EYS: variants seen among roughly 807,000 people sequenced by gnomAD.
EYS encodes the protein EGF-like photoreceptor maintenance factor.
In EYS, 250 loss-of-function variants were observed where a neutral mutation model predicts 282.1. The observed-to-expected ratio is 0.89, with a 90% CI of 0.80 to 0.98. EYS has a LOEUF of 0.98. EYS is among the 50% of genes least tolerant of loss of function. The pLI, the probability that EYS is intolerant of heterozygous loss-of-function variation, is 0.00. For synonymous variants in EYS, 1,355 were observed against 1,282.9 expected, an observed-to-expected ratio of 1.06 and a Z score of -1.20; for missense variants, 4,016 against 3,709.0, an observed-to-expected ratio of 1.08 and a Z score of -2.15.
chr6:65,214,485 G>T (rs780320841), intron 12 of EYS, among the ~76,000 whole-genome samples: 1 of 152,174 alleles, frequency 6.6e-6, no homozygotes, highest in Non-Finnish European at 1.5e-5. Context: ...AGAAAAGTTC[G>T]AAGGTAGCAG....
chr6:65,645,798 GA>G (rs1381468115), intron 1 of EYS, among the ~76,000 whole-genome samples: 26 of 152,054 alleles, frequency 1.7e-4, no homozygotes, highest in Admixed American at 2.0e-4. Context: ...ACCAAGAAAA[GA>G]AGAGAGAAGT....
chr6:65,008,685 G>A (rs918274215), intron 13 of EYS, among the ~76,000 whole-genome samples: 9 of 152,154 alleles, frequency 5.9e-5, no homozygotes, highest in East Asian at 1.9e-4. Context: ...CCCAAGGGAC[G>A]AAGGTCCTCT....
At chr6:64,786,702 T>C (rs1232769298) in intron 22 of EYS, among the ~76,000 whole-genome samples, 2 of 152,204 alleles carry the variant, frequency 1.3e-5, no homozygotes, top group Non-Finnish European at 2.9e-5. Flanking sequence ...CCAGGTGTTA[T>C]CTGTAAATCT....
chr6:64,950,239 A>C (rs564717668), intron 14 of EYS, among the ~76,000 whole-genome samples: 128 of 152,094 alleles, frequency 8.4e-4, no homozygotes, highest in African/African-American at 3.0e-3. Context: ...AGACATTTAA[A>C]AATATACCAA....
chr6:65,499,538 A>G (rs546812022), intron 2 of EYS, among the ~76,000 whole-genome samples: 1 of 151,992 alleles, frequency 6.6e-6, no homozygotes, highest in Non-Finnish European at 1.5e-5. Flanking sequence ...ATTTGTATAA[A>G]TTATACATTG....
At chr6:64,462,976 C>T (rs1173401125) in intron 26 of EYS, among the ~76,000 whole-genome samples, 23 of 129,808 alleles carry the variant, frequency 1.8e-4, no homozygotes, top group Non-Finnish European at 2.9e-4. Flanking sequence ...GATGAAGTCT[C>T]GCTCTGTTGC....
At chr6:65,657,493 G>C (rs1394562971) in intron 1 of EYS, among the ~76,000 whole-genome samples, 2 of 151,888 alleles carry the variant, frequency 1.3e-5, no homozygotes, top group Non-Finnish European at 2.9e-5. Context: ...GATTTGAATG[G>C]AGGGAGTAAC....
intron 12 of EYS, among the ~76,000 whole-genome samples, chr6:65,236,407 C>A (rs1336067673): frequency 6.6e-6 from 1 of 152,040 alleles, no homozygotes; most frequent in Non-Finnish European, 1.5e-5. Context: ...GTCAGGAGTT[C>A]AAGACTAGCC....
rs575533522 is a variant in EYS, at chr6:65,005,602, C to T, written c.2138-7899G>A. On this transcript the variant is annotated intron_variant, in intron 13 of 42. Coordinates refer to ENST00000503581, the MANE Select transcript of EYS (RefSeq NM_001142800.2). ...TGGAGGAAAATACCGGGCACCTGTCCGCCAGTTAAAAACGATTAGCATGGC... is the reference window on the plus strand; with the variant it reads ...TGGAGGAAAATACCGGGCACCTGTCTGCCAGTTAAAAACGATTAGCATGGC... 1.1e-3 allele frequency among the ~76,000 whole-genome samples: 165 copies of T among 147,676 alleles called. 4 individuals carry two copies. Among genetic ancestry groups the T allele is most frequent in the African/African-American group, 3.9e-3 (160 of 41,304 alleles).
intron 30 of EYS, among the ~76,000 whole-genome samples, chr6:64,299,576 G>A (rs747346867): frequency 6.6e-6 from 1 of 152,120 alleles, no homozygotes; most frequent in Non-Finnish European, 1.5e-5. Flanking sequence ...TGCCTGCTTG[G>A]GATTTCCAAG....
At chr6:65,407,944 T>A (rs2150367561) in intron 5 of EYS, among the ~76,000 whole-genome samples, 1 of 152,244 alleles carries the variant, frequency 6.6e-6, no homozygotes, top group African/African-American at 2.4e-5. Context: ...ATGCTTTTTA[T>A]CAGGCTGAGG....
At chr6:64,247,921 C>T (rs935181482) in intron 30 of EYS, among the ~76,000 whole-genome samples, 1 of 151,904 alleles carries the variant, frequency 6.6e-6, no homozygotes. Context: ...TGGTAGGAGA[C>T]AAAAGAGGGC....
chr6:64,591,805 A>G lies in EYS; in HGVS notation c.4062T>C (p.Gly1354=), dbSNP rs566859485. The change falls in exon 26 of 43, where the codon GGT becomes GGC. Residue 1354 remains glycine, a synonymous_variant. Transcript: ENST00000503581. Reference sequence around the variant, plus strand: ...GGACAATTTGTGCTGGGTCACGAATACCAAAATTCAGGAATCGAGAAGAGG... The same window carrying G: ...GGACAATTTGTGCTGGGTCACGAATGCCAAAATTCAGGAATCGAGAAGAGG... ...DVSSSRFLNF[G]IRDPAQIVQD... 1.3e-6 allele frequency: 2 copies of G among 1,551,304 alleles called. No individual in the cohort carries two copies. The highest frequency in any genetic ancestry group is 4.9e-5 in the East Asian group (2 of 40,908).
intron 36 of EYS, among the ~76,000 whole-genome samples, chr6:63,827,074 G>A (rs552569479): frequency 1.3e-5 from 2 of 152,266 alleles, no homozygotes; most frequent in South Asian, 4.1e-4. Context: ...TAAAGGGATG[G>A]AAAAAGGCAT....
intron 12 of EYS, among the ~76,000 whole-genome samples, chr6:65,217,150 A>G (rs1766335383): frequency 6.6e-6 from 1 of 152,062 alleles, no homozygotes; most frequent in East Asian, 1.9e-4. Flanking sequence ...TCTGGTGGTT[A>G]TTTTTAACAA....
At chr6:64,756,013 C>T (rs1357661721) in intron 22 of EYS, among the ~76,000 whole-genome samples, 1 of 152,072 alleles carries the variant, frequency 6.6e-6, no homozygotes, top group Non-Finnish European at 1.5e-5. Flanking sequence ...TACATTGAGA[C>T]TTGTTCTATT....
At chr6:64,933,746 T>C (rs1768808011) in intron 15 of EYS, among the ~76,000 whole-genome samples, 1 of 152,194 alleles carries the variant, frequency 6.6e-6, no homozygotes, top group South Asian at 2.1e-4. Context: ...TGCCCACCAA[T>C]GATAGATTGG....
intron 13 of EYS, among the ~76,000 whole-genome samples, chr6:65,022,319 T>A (rs969922295): frequency 1.3e-5 from 2 of 152,204 alleles, no homozygotes; most frequent in African/African-American, 2.4e-5. Flanking sequence ...TTATGCCAGT[T>A]TATCTAATTG....
At chr6:65,441,612 TTC>T (rs10530901) in intron 5 of EYS, among the ~76,000 whole-genome samples, 15,910 of 151,972 alleles carry the variant, frequency 0.1, 1,097 homozygotes, top group South Asian at 0.19. Context: ...GTGGAAAATA[TTC>T]TGAGGAACAC....
Sources: allele counts gnomAD v4.1 joint callset (sites outside exome capture counted in the v4.1 genomes callset), GRCh38; gene constraint gnomAD v4.1.1; transcripts MANE v1.5; gene names NCBI Gene and HGNC (gene_info 2026-07-23, HGNC 2026-07-21).